The following TEP1 variants were observed in gnomAD, a reference collection of about 807,000 sequenced individuals.
TEP1 encodes the protein telomerase associated protein 1.
Under a neutral mutation model 306.3 loss-of-function variants are expected in TEP1, and 241 were observed. The ratio of observed to expected loss-of-function variants is 0.79; its 90% CI spans 0.71 to 0.88. The LOEUF (loss-of-function observed/expected upper bound fraction) is 0.88, where lower values mean the gene tolerates loss of function less well. TEP1 is among the 40% of genes least tolerant of loss of function. The pLI is 0.00. For missense variants in TEP1, 3,051 were observed against 3,276.1 expected (o/e 0.93, Z 1.68); for synonymous variants, 1,289 against 1,305.5 (o/e 0.99, Z 0.27).
At chr14:20,382,852 A>G (rs1876712662) in intron 27 of TEP1, 137 bp from the exon 28 acceptor site, 6 of 806,528 alleles carry the variant, frequency 7.4e-6, no homozygotes, top group Non-Finnish European at 1.2e-5. Flanking sequence ...GCATCATCCC[A>G]GGACACAAAC....
At chr14:20,380,885 G>C in intron 33 of TEP1, 46 bp downstream of exon 33, 1 of 1,518,288 alleles carries the variant, frequency 6.6e-7, no homozygotes, top group Non-Finnish European at 9.1e-7. Flanking sequence ...AGCACACCCA[G>C]GAGTCCCATA....
At position 20,366,521 on chromosome 14, in the gene TEP1, A is replaced by G. The variant is rs115792343; in HGVS notation, c.*1916T>C. The G allele has an allele frequency of 1.3e-5, 2 of 152,226 alleles. No homozygotes were observed. The highest frequency in any genetic ancestry group is 2.4e-5 in the African/African-American group (1 of 41,436). The allele number at this position is 152,226 out of a possible 1,614,324, so 9.4% of individuals were successfully genotyped here. On this transcript the variant is annotated 3_prime_UTR_variant, in exon 55 of 55. Transcript: ENST00000262715. The stretch of plus-strand genomic sequence containing the variant: ...TATTTCGAGGCTTGGCATGAGGCAC[A>G]TAAGAGAAGACAGAAGCATGGCCTA...
Position 20,378,528 on chromosome 14 carries a change from T to C in TEP1, c.5360A>G (p.Asp1787Gly), listed in dbSNP as rs754080151. The C allele has an allele frequency of 5.6e-6, 9 of 1,614,002 alleles. No homozygotes were observed. The South Asian group carries it at 9.9e-5, about 18-fold the overall frequency. The change falls in exon 38 of 55, where the codon GAC (aspartate) becomes GGC (glycine). Residue 1787 changes from aspartate (D) to glycine (G), a missense_variant. Coordinates refer to ENST00000262715, the MANE Select transcript of TEP1 (RefSeq NM_007110.5). ...GAAGGCCAGCTGCCCACGGACTGTG[T>C]CCCACAGCTGAGGGAGAGAGAGGAG... The part of the protein sequence containing the change: ...VCLGGCLKLW[D>G]TVRGQLAFQH...
rs774622405 is a variant in TEP1, at chr14:20,401,570, G to A, written c.1278C>T (p.Ala426=). 34 of 1,613,950 alleles carry A rather than the reference G, an allele frequency of 2.1e-5. No homozygotes were observed. Among genetic ancestry groups the A allele is most frequent in the East Asian group, 1.6e-4 (7 of 44,886 alleles). The part of the protein sequence containing the change: ...LREEQRKFEK[A]GDTVSEKKNP... ...TCTTTTTCTCTGACACTGTATCACC[G>A]GCCTTCTCAAACTGTGGAAACATCC... The change falls in exon 8 of 55, where the codon GCC becomes GCT. Residue 426 remains alanine (A), a synonymous_variant. Transcript: ENST00000262715.
rs1487961500 is a variant in TEP1, at chr14:20,382,470, A to G, written c.4141-114T>C. The G allele has an allele frequency of 2.6e-6, 4 of 1,536,182 alleles. No homozygotes were observed. In the African/African-American group the frequency reaches 5.5e-5, roughly 21 times the overall value. ...GTGTGGAGGAATGAAAAAGTAAAGA[A>G]CAACAGTAGGAGGGAAGTGAGGCGA... On this transcript the variant is annotated intron_variant, in intron 28 of 54. Coordinates refer to ENST00000262715, the MANE Select transcript of TEP1 (RefSeq NM_007110.5).
intron 9 of TEP1, among the ~76,000 whole-genome samples, chr14:20,400,323 T>C (rs1395569269): frequency 6.7e-6 from 1 of 148,320 alleles, no homozygotes; most frequent in Non-Finnish European, 1.5e-5. Flanking sequence ...CAGTGGCTCA[T>C]GCCTATAATT....
intron 9 of TEP1, among the ~76,000 whole-genome samples, chr14:20,400,497 C>CAAAAAAAAAAAAAA (rs71108598): frequency 1.9e-4 from 16 of 85,482 alleles, no homozygotes; most frequent in Middle Eastern, 9.3e-3. Context: ...AAAAGTAGAC[C>CAAAAAAAAAAAAAA]AAAAAAAAAA....
chr14:20,396,741 TG>T lies in TEP1; in HGVS notation c.1550-12del. ...GAAGCTTCCCATTTTCTGTGGAATG[TG>T]GGGCATAGAGTGAGAAAAACAAATG... On this transcript the variant is annotated splice_polypyrimidine_tract_variant and intron_variant, in intron 9 of 54. Transcript: ENST00000262715. The T allele has an allele frequency of 6.3e-7, 1 of 1,592,256 alleles. No individual in the cohort carries two copies.
At position 20,383,827 on chromosome 14, in the gene TEP1, C is replaced by G; in HGVS notation, c.3626G>C (p.Gly1209Ala). The change falls in exon 25 of 55, where the codon GGT (glycine) becomes GCT (alanine). Residue 1209 changes from glycine (G) to alanine (A), a missense_variant. Physicochemically the swap from Gly to Ala is moderately conservative, Grantham distance 60 (BLOSUM62 0). Coordinates refer to ENST00000262715, the MANE Select transcript of TEP1 (RefSeq NM_007110.5). The stretch of plus-strand genomic sequence containing the variant: ...GCGTCTGAGCAGAGTGAGGGCAAGA[C>G]CCTGGTCAGGACGAGCCCCAGAAAA... ...FHFSGARPDQ[G>A]LALTLLRRLC... The G allele has an allele frequency of 6.2e-7, 1 of 1,608,210 alleles. No individual in the cohort carries two copies. Among genetic ancestry groups the G allele is most frequent in the Non-Finnish European group, 8.5e-7 (1 of 1,179,318 alleles).
At chr14:20,410,606 T>C (rs1879578898) in intron 1 of TEP1, among the ~76,000 whole-genome samples, 2 of 150,306 alleles carry the variant, frequency 1.3e-5, no homozygotes, top group Non-Finnish European at 3.0e-5. Flanking sequence ...TTTCTTTTTT[T>C]TTTTTTGTAT....
Position 20,381,051 on chromosome 14 carries a change from A to G in TEP1, c.4648-6T>C. The G allele has an allele frequency of 6.2e-7, 1 of 1,612,172 alleles. No homozygotes were observed. Among genetic ancestry groups the G allele is most frequent in the Non-Finnish European group, 8.5e-7 (1 of 1,178,216 alleles). On this transcript the variant is annotated splice_polypyrimidine_tract_variant and splice_region_variant and intron_variant, in intron 32 of 54. Transcript: ENST00000262715. This position sits in a 1 kb window ranked among gnomAD's most constrained non-coding sequence, Gnocchi z 4.0. ...CCACGGTTCCCGCTCTGGAGCTGAG[A>G]AGGTCAGATTGAATTCATTAGGGAT... is the stretch of plus-strand genomic sequence containing the variant.
intron 2 of TEP1, among the ~76,000 whole-genome samples, chr14:20,407,313 T>G (rs544761724): frequency 6.6e-6 from 1 of 152,356 alleles, no homozygotes; most frequent in East Asian, 1.9e-4. Flanking sequence ...CTGGCTCACC[T>G]GAACAGAGGC....
chr14:20,404,393 A>G (rs1432040189), intron 5 of TEP1, among the ~76,000 whole-genome samples: 1 of 150,674 alleles, frequency 6.6e-6, no homozygotes, highest in Non-Finnish European at 1.5e-5. Context: ...CCAGAATAAG[A>G]CCATTTTTTT....
intron 9 of TEP1, among the ~76,000 whole-genome samples, chr14:20,398,987 G>T (rs1424029978): frequency 6.6e-6 from 1 of 151,872 alleles, no homozygotes; most frequent in Admixed American, 6.6e-5. Context: ...CACTTTCCAG[G>T]CTCAAGCAAT....
chr14:20,397,176 A>T (rs1255738172), intron 9 of TEP1, among the ~76,000 whole-genome samples: 1 of 152,252 alleles, frequency 6.6e-6, no homozygotes, highest in African/African-American at 2.4e-5. Context: ...TGTATTATCT[A>T]GTCTAGAGCA....
chr14:20,404,334 G>A (rs944489349), intron 5 of TEP1, among the ~76,000 whole-genome samples: 4 of 134,360 alleles, frequency 3.0e-5, no homozygotes, highest in South Asian at 4.6e-4. Flanking sequence ...CAGCCTGGGC[G>A]ACAAGAGTGA....
Position 20,378,981 on chromosome 14 carries a change from C to T in TEP1, c.5252G>A (p.Arg1751Gln), listed in dbSNP as rs773475088. The part of the protein sequence containing the change: ...LELWDLQHGC[R>Q]VLQTKAHQYQ... ...AAGACAAATGGGGAGGACCCCTTAC[C>T]GACAACCATGCTGCAGGTCCCAGAG... The change falls in exon 36 of 55, where the codon CGG becomes CAG. Residue 1751 changes from arginine (R) to glutamine (Q), a missense_variant and splice_region_variant. Coordinates refer to ENST00000262715, the MANE Select transcript of TEP1 (RefSeq NM_007110.5). 26 of 1,614,042 alleles carry T rather than the reference C, an allele frequency of 1.6e-5. No homozygotes were observed. The highest frequency in any genetic ancestry group is 1.3e-4 in the East Asian group (6 of 44,886).
chr14:20,404,845 G>C (rs1481261332), intron 4 of TEP1, 73 bp from the exon 5 acceptor site: 2 of 1,505,656 alleles, frequency 1.3e-6, no homozygotes, highest in African/African-American at 2.8e-5. Context: ...ATTACTTGCT[G>C]ATTGAGTGTG....
chr14:20,393,760 T>C (rs905671307), intron 12 of TEP1, among the ~76,000 whole-genome samples: 4 of 150,436 alleles, frequency 2.7e-5, no homozygotes, highest in African/African-American at 9.8e-5. Flanking sequence ...CCAGCCTGGG[T>C]GACGAAGTGG....
Sources: allele counts gnomAD v4.1 joint callset (sites outside exome capture counted in the v4.1 genomes callset), GRCh38; gene constraint gnomAD v4.1.1; non-coding constraint Gnocchi (gnomAD v3.1); transcripts MANE v1.5; gene names NCBI Gene and HGNC (gene_info 2026-07-23, HGNC 2026-07-21).